Variants in MAP7D2 observed in about 807,000 individuals in gnomAD.
MAP7D2 encodes the protein MAP7 domain-containing protein 2.
In MAP7D2, 33 loss-of-function variants were observed where a neutral mutation model predicts 63.5. The observed-to-expected ratio is 0.52, with a 90% confidence interval of 0.39 to 0.70. The LOEUF (loss-of-function observed/expected upper bound fraction) is 0.70, where lower values mean the gene tolerates loss of function less well. Ranked by LOEUF, MAP7D2 falls within the 30% of genes least tolerant of loss-of-function variation. The probability of loss-of-function intolerance (pLI) is 0.00; values close to 1 mark genes in which losing one functional copy is unlikely to be tolerated. For synonymous variants in MAP7D2, 224 were observed against 223.7 expected (o/e 1.00, Z -0.01); for missense variants, 626 against 604.0 (o/e 1.04, Z -0.38).
intron 6 of MAP7D2, among the ~76,000 whole-genome samples, chrX:20,048,048 CTG>C (rs1444964916): frequency 9.0e-6 from 1 of 110,892 alleles, no homozygotes; most frequent in Non-Finnish European, 1.9e-5. Flanking sequence ...AGTGGGTGAG[CTG>C]TGCAAAAATG....
chrX:20,045,168 A>C (rs998707848), intron 6 of MAP7D2, among the ~76,000 whole-genome samples: 3 of 110,253 alleles, frequency 2.7e-5, no homozygotes, highest in Non-Finnish European at 3.8e-5. Context: ...GTCCCATGTG[A>C]CTCCACTGGA....
chrX:20,061,114 T>C (rs1332386445), intron 3 of MAP7D2, among the ~76,000 whole-genome samples: 1 of 57,233 alleles, frequency 1.7e-5, no homozygotes, highest in Non-Finnish European at 2.8e-5. Flanking sequence ...AGACAGAACA[T>C]GACCAAAAAA....
At chrX:20,014,572 A>T (rs1322932423) in intron 12 of MAP7D2, among the ~76,000 whole-genome samples, 5 of 112,079 alleles carry the variant, frequency 4.5e-5, no homozygotes, top group Non-Finnish European at 9.4e-5. Flanking sequence ...TCTCAAAAAA[A>T]TAAAAGGCAG....
In MAP7D2 at chrX:20,015,290, T is replaced by G. The variant is rs774983916; in HGVS notation, c.1682A>C (p.Glu561Ala). ...AAETKAREVAEQMRLEREQIM... is the reference protein window; with the variant it reads ...AAETKAREVAAQMRLEREQIM... The stretch of plus-strand genomic sequence containing the variant: ...CTGTTCTCTCTCGAGACGCATCTGT[T>G]CAGCTACCTCCCGGGCCTTTGTTTC... The change falls in exon 12 of 17, where the codon GAA (glutamate) becomes GCA (alanine). Residue 561 changes from glutamate to alanine, a missense_variant. Transcript: ENST00000379643. 8.3e-7 allele frequency: 1 copy of G among 1,211,275 alleles called. No homozygotes were observed. The highest frequency in any genetic ancestry group is 3.0e-5 in the East Asian group (1 of 33,841).
chrX:20,038,102 C>A (rs1338171057), intron 8 of MAP7D2, among the ~76,000 whole-genome samples: 1 of 111,955 alleles, frequency 8.9e-6, no homozygotes, highest in African/African-American at 3.3e-5. Flanking sequence ...ATGCACCATT[C>A]CTCAAGGTGA....
chrX:20,094,640 G>A (rs1330052163), intron 1 of MAP7D2, among the ~76,000 whole-genome samples: 3 of 87,330 alleles, frequency 3.4e-5, no homozygotes, highest in Non-Finnish European at 6.8e-5. Flanking sequence ...GCAGTGGCAC[G>A]ATCTTGGCTC....
At chrX:20,039,237 T>C (rs2064582074) in intron 8 of MAP7D2, among the ~76,000 whole-genome samples, 1 of 112,545 alleles carries the variant, frequency 8.9e-6, no homozygotes, top group Non-Finnish European at 1.9e-5. Flanking sequence ...CTATCCTGCA[T>C]GCAATGCTTC....
intron 1 of MAP7D2, among the ~76,000 whole-genome samples, chrX:20,090,081 G>C (rs1416721671): frequency 1.8e-5 from 2 of 111,588 alleles, no homozygotes; most frequent in African/African-American, 6.5e-5. Context: ...CTCCCTGCTG[G>C]GCCAAGAGCC....
chrX:20,012,667 A>G (rs970371811), intron 14 of MAP7D2, 132 bp from the exon 15 acceptor site: 3 of 526,360 alleles, frequency 5.7e-6, no homozygotes, highest in Non-Finnish European at 9.1e-6. Flanking sequence ...GGAAAGAGCC[A>G]CAAATAAACC....
chrX:20,094,520 A>ATATATATATATATATG (rs2066175962), intron 1 of MAP7D2, among the ~76,000 whole-genome samples: 3 of 10,073 alleles, frequency 3.0e-4, no homozygotes, highest in Non-Finnish European at 4.5e-4. Context: ...ATATATGTAT[A>ATATATATATATATATG]TATATATATA....
At chrX:20,049,447 T>C (rs971804045) in intron 6 of MAP7D2, among the ~76,000 whole-genome samples, 10 of 109,131 alleles carry the variant, frequency 9.2e-5, no homozygotes, top group African/African-American at 3.3e-4. Flanking sequence ...AATTTTTGTA[T>C]TTTTAGTAGA....
intron 1 of MAP7D2, among the ~76,000 whole-genome samples, chrX:20,066,786 C>T (rs2065373452): frequency 1.8e-5 from 2 of 111,321 alleles, no homozygotes; most frequent in South Asian, 7.6e-4. Flanking sequence ...ATGCTCTGTG[C>T]TCCCACATGG....
chrX:20,052,568 G>A (rs2064975865), intron 5 of MAP7D2, among the ~76,000 whole-genome samples: 1 of 112,357 alleles, frequency 8.9e-6, no homozygotes, highest in South Asian at 3.7e-4. Context: ...GGTCACATCT[G>A]CCCACTGGTT....
intron 8 of MAP7D2, among the ~76,000 whole-genome samples, chrX:20,037,219 T>C (rs890910341): frequency 9.0e-6 from 1 of 111,498 alleles, no homozygotes; most frequent in Admixed American, 9.6e-5. Context: ...TGATCTGAAC[T>C]GCCTATCATG....
At chrX:20,114,946 A>G (rs1227731440) in intron 1 of MAP7D2, among the ~76,000 whole-genome samples, 4 of 112,112 alleles carry the variant, frequency 3.6e-5, no homozygotes, top group African/African-American at 1.3e-4. Context: ...ACTTTACTTA[A>G]GTACCTGGCC....
intron 6 of MAP7D2, among the ~76,000 whole-genome samples, chrX:20,048,112 T>C (rs889832537): frequency 9.0e-6 from 1 of 111,562 alleles, no homozygotes; most frequent in African/African-American, 3.3e-5. Context: ...GCTTACAAGG[T>C]TAGCCTTTAG....
At chrX:20,059,028 T>A (rs1270407906) in intron 3 of MAP7D2, among the ~76,000 whole-genome samples, 1 of 111,968 alleles carries the variant, frequency 8.9e-6, no homozygotes, top group Admixed American at 9.5e-5. Context: ...TGAGCTAACA[T>A]TGCAGTCCTG....
At chrX:20,062,319 C>G (rs993243853) in intron 3 of MAP7D2, among the ~76,000 whole-genome samples, 1 of 111,416 alleles carries the variant, frequency 9.0e-6, no homozygotes, top group African/African-American at 3.3e-5. Context: ...GAACTGGGAG[C>G]AGATGAAGGC....
Position 20,042,507 on chromosome X carries a change from T to C in MAP7D2, c.1002A>G (p.Ile334Met). The change falls in exon 8 of 17, where the codon ATA becomes ATG. Residue 334 changes from isoleucine (I) to methionine (M), a missense_variant. Physicochemically the swap from Ile to Met is conservative, Grantham distance 10 (BLOSUM62 1). Coordinates refer to ENST00000379643, the MANE Select transcript of MAP7D2 (RefSeq NM_001168465.2). ...GIPKRPSSPV[I>M]SKTATKAYPQ... ...CAAAGGGGAGAGATGCTTACTTGGATATCACAGGAGAAGATGGTCTCTTAG... is the reference window on the plus strand; with the variant it reads ...CAAAGGGGAGAGATGCTTACTTGGACATCACAGGAGAAGATGGTCTCTTAG... The C allele has an allele frequency of 8.3e-7, 1 of 1,210,757 alleles. No individual in the cohort carries two copies. The highest frequency in any genetic ancestry group is 1.7e-5 in the African/African-American group (1 of 57,695).
Sources: allele counts gnomAD v4.1 joint callset (sites outside exome capture counted in the v4.1 genomes callset), GRCh38; gene constraint gnomAD v4.1.1; transcripts MANE v1.5; gene names NCBI Gene and HGNC (gene_info 2026-07-23, HGNC 2026-07-21).